ZMYND15: variants seen among roughly 807,000 people sequenced by gnomAD.
ZMYND15 encodes zinc finger MYND-type containing 15.
In ZMYND15, 54 loss-of-function variants were observed where a neutral mutation model predicts 81.7. That is an observed-to-expected ratio of 0.66 (90% CI 0.53 to 0.83). The LOEUF is 0.83. ZMYND15 is among the 40% of genes least tolerant of loss of function. The probability of loss-of-function intolerance (pLI) is 0.00; values close to 1 mark genes in which losing one functional copy is unlikely to be tolerated. For missense variants in ZMYND15, 925 were observed against 973.5 expected, an observed-to-expected ratio of 0.95 and a Z score of 0.66; for synonymous variants, 399 against 387.0, an observed-to-expected ratio of 1.03 and a Z score of -0.36.
chr17:4,744,397 C>G lies in ZMYND15; in HGVS notation c.1613C>G (p.Ala538Gly). 1 of 1,614,106 alleles carries G rather than the reference C, an allele frequency of 6.2e-7. No homozygotes were observed. The highest frequency in any genetic ancestry group is 1.3e-5 in the African/African-American group (1 of 75,006). Residue 538 changes from alanine to glycine, a missense_variant, in exon 10 of 14, where the codon GCC becomes GGC. By Grantham distance (60) the Ala-to-Gly change is moderately conservative. Coordinates refer to ENST00000433935, the MANE Select transcript of ZMYND15 (RefSeq NM_001136046.3). The surrounding 1 kb of genome is among the most constrained non-coding windows in gnomAD (Gnocchi z 4.1). ...CTTTTGGTCCTGCTCCCCCATGTGG[C>G]CCTGGAGCTGCAGTTTGTAGGTGAT... ...WELLVLLPHVALELQFVGDGL... is the reference protein window; with the variant it reads ...WELLVLLPHVGLELQFVGDGL...
At position 4,740,510 on chromosome 17, in the gene ZMYND15, T is replaced by G; in HGVS notation, c.-30-9T>G. The G allele has an allele frequency of 2.0e-6, 3 of 1,534,170 alleles. No individual in the cohort carries two copies. The highest frequency in any genetic ancestry group is 1.8e-6 in the Non-Finnish European group (2 of 1,137,904). On this transcript the variant is annotated splice_polypyrimidine_tract_variant and intron_variant, in intron 1 of 13. Transcript: ENST00000433935. ...CTGTCCCTCACCATATATCCCTTCTTTTGCTCAGTCTGGGCCGGGGCCCTG... is the reference window on the plus strand; with the variant it reads ...CTGTCCCTCACCATATATCCCTTCTGTTGCTCAGTCTGGGCCGGGGCCCTG...
At chr17:4,740,440 T>A in intron 1 of ZMYND15, 79 bp from the exon 2 acceptor site, 1 of 1,428,044 alleles carries the variant, frequency 7.0e-7, no homozygotes, top group Non-Finnish European at 9.2e-7. Context: ...AAACCTACCC[T>A]CTCCCTCAAT....
chr17:4,744,310 T>C lies in ZMYND15; in HGVS notation c.1584+32T>C. The C allele has an allele frequency of 6.2e-7, 1 of 1,613,960 alleles. No individual in the cohort carries two copies. The highest frequency in any genetic ancestry group is 8.5e-7 in the Non-Finnish European group (1 of 1,179,906). On this transcript the variant is annotated intron_variant, in intron 9 of 13. Transcript: ENST00000433935. This position sits in a 1 kb window ranked among gnomAD's most constrained non-coding sequence, Gnocchi z 4.1. ...CACCCCAGGCCTGAAGGTTGGGCAT[T>C]TTGGTATGGGGGTGGGCACAGGGTA... is the stretch of plus-strand genomic sequence containing the variant.
rs1454232917 is a variant in ZMYND15, at chr17:4,744,368, G to A, written c.1585-1G>A. On this transcript the variant is annotated splice_acceptor_variant, in intron 9 of 13. Coordinates refer to ENST00000433935, the MANE Select transcript of ZMYND15 (RefSeq NM_001136046.3). LOFTEE classifies it high-confidence loss of function. The surrounding 1 kb of genome is among the most constrained non-coding windows in gnomAD (Gnocchi z 4.1). ...GATCTTTCTTTCTTTCTGTCCTTCA[G>A]GAGCTTTTGGTCCTGCTCCCCCATG... 1 of 1,614,032 alleles carries A rather than the reference G, an allele frequency of 6.2e-7. No homozygotes were observed. Among genetic ancestry groups the A allele is most frequent in the Non-Finnish European group, 8.5e-7 (1 of 1,180,028 alleles).
rs200662344 is a variant in ZMYND15, at chr17:4,740,899, G to A, written c.351G>A (p.Glu117=). The A allele has an allele frequency of 1.3e-6, 2 of 1,580,174 alleles. No individual in the cohort carries two copies. Among genetic ancestry groups the A allele is most frequent in the Middle Eastern group, 1.7e-4 (1 of 5,862 alleles). Residue 117 remains glutamate, a synonymous_variant, in exon 2 of 14, where the codon GAG becomes GAA. Coordinates refer to ENST00000433935, the MANE Select transcript of ZMYND15 (RefSeq NM_001136046.3). ...TAGAGGATGGGGAGGAAGGGGAGGA[G>A]GAAGAGGAGGAAGATGAAGAAGAAG... ...VSLEDGEEGE[E]EEEEDEEEEK... is the part of the protein sequence containing the mutation.
At chr17:4,742,618 G>A in intron 5 of ZMYND15, 127 bp downstream of exon 5, 1 of 1,294,640 alleles carries the variant, frequency 7.7e-7, no homozygotes, top group South Asian at 1.5e-5. Flanking sequence ...CTAGATCCCT[G>A]GAACAAGGGC....
In ZMYND15 at chr17:4,740,516, C is replaced by T; in HGVS notation, c.-30-3C>T. The stretch of plus-strand genomic sequence containing the variant: ...CTCACCATATATCCCTTCTTTTGCT[C>T]AGTCTGGGCCGGGGCCCTGTGCCGC... On this transcript the variant is annotated splice_polypyrimidine_tract_variant and splice_region_variant and intron_variant, in intron 1 of 13. Coordinates refer to ENST00000433935, the MANE Select transcript of ZMYND15 (RefSeq NM_001136046.3). 6.5e-7 allele frequency: 1 copy of T among 1,537,030 alleles called. No homozygotes were observed. Among genetic ancestry groups the T allele is most frequent in the Non-Finnish European group, 8.8e-7 (1 of 1,139,248 alleles).
At position 4,743,271 on chromosome 17, in the gene ZMYND15, G is replaced by A. The variant is rs772114166; in HGVS notation, c.1145-32G>A. ...AAAAAATGTCTGGGGTTCTAGCCCA[G>A]CACCTCAACTCCTCCCCTTCTCCTT... On this transcript the variant is annotated intron_variant, in intron 5 of 13. Transcript: ENST00000433935. This position sits in a 1 kb window ranked among gnomAD's most constrained non-coding sequence, Gnocchi z 4.3. 8.8e-6 allele frequency: 14 copies of A among 1,586,290 alleles called. No individual in the cohort carries two copies. The highest frequency in any genetic ancestry group is 8.6e-7 in the Non-Finnish European group (1 of 1,168,920).
chr17:4,742,467 A>G lies in ZMYND15; in HGVS notation c.1120A>G (p.Thr374Ala), dbSNP rs760171566. The change falls in exon 5 of 14, where the codon ACC becomes GCC. Residue 374 changes from threonine to alanine, a missense_variant. Physicochemically the swap from Thr to Ala is moderately conservative, Grantham distance 58. Coordinates refer to ENST00000433935, the MANE Select transcript of ZMYND15 (RefSeq NM_001136046.3). The stretch of plus-strand genomic sequence containing the variant: ...CATGGAGCGGGCAGGAGAACTGGCA[A>G]CCCTGCCTTTTACCTACACCGCAGG... ...AFMERAGELA[T>A]LPFTYTAEVT... The G allele has an allele frequency of 1.2e-6, 2 of 1,614,118 alleles. No homozygotes were observed. Among genetic ancestry groups the G allele is most frequent in the South Asian group, 2.2e-5 (2 of 91,076 alleles).
chr17:4,743,400 G>A lies in ZMYND15; in HGVS notation c.1242G>A (p.Pro414=), dbSNP rs746980109. 9.3e-6 allele frequency: 15 copies of A among 1,613,910 alleles called. No individual in the cohort carries two copies. Among genetic ancestry groups the A allele is most frequent in the Non-Finnish European group, 1.3e-5 (15 of 1,180,004 alleles). ...WTQLSMLIPG[P]GFSRHPRGNT... is the part of the protein sequence containing the mutation. ...AGCTCAGCATGCTGATTCCAGGCCC[G>A]GGCTTCTCCAGACACCCCCGAGGCA... The change falls in exon 6 of 14, where the codon CCG becomes CCA. Residue 414 remains proline, a synonymous_variant. Coordinates refer to ENST00000433935, the MANE Select transcript of ZMYND15 (RefSeq NM_001136046.3). This position sits in a 1 kb window ranked among gnomAD's most constrained non-coding sequence, Gnocchi z 4.3.
rs760483749 is a variant in ZMYND15 at position 4,744,862 on chromosome 17, G to A, written c.1838-8G>A. 2.0e-5 allele frequency: 32 copies of A among 1,613,998 alleles called. No homozygotes were observed. The highest frequency in any genetic ancestry group is 1.8e-5 in the Non-Finnish European group (21 of 1,180,006). On this transcript the variant is annotated splice_polypyrimidine_tract_variant and splice_region_variant and intron_variant, in intron 11 of 13. Transcript: ENST00000433935. This position sits in a 1 kb window ranked among gnomAD's most constrained non-coding sequence, Gnocchi z 4.1. ...GGGAGCCAGCTTCTCCCTCCTCTCT[G>A]TCTGCAGGATTTAACTCCGGGTTTG...
rs77153430 is a variant in ZMYND15 at position 4,742,092 on chromosome 17, G to T, written c.983+22G>T. 8.3e-4 allele frequency: 1,334 copies of T among 1,613,336 alleles called. 32 individuals carry two copies. In the East Asian group the frequency reaches 0.029, roughly 35 times the overall value. On this transcript the variant is annotated intron_variant, in intron 4 of 13. Coordinates refer to ENST00000433935, the MANE Select transcript of ZMYND15 (RefSeq NM_001136046.3). ...CTTGGTGAGCAGCCCCAAAGCTGGG[G>T]GAGAGGAAGACCCCAATAGGCAAAT... is the stretch of plus-strand genomic sequence containing the variant.
rs757546788 is a variant in ZMYND15 at position 4,741,710 on chromosome 17, G to T, written c.721G>T (p.Ala241Ser). ...CTGGGGCTCAGGGACCAAGGACCTG[G>T]CTCCTTGGGCCTATGCTCTCCTCTG... is the stretch of plus-strand genomic sequence containing the variant. ...ASWGSGTKDLAPWAYALLCHS... is the reference protein window; with the variant it reads ...ASWGSGTKDLSPWAYALLCHS... The change falls in exon 3 of 14, where the codon GCT becomes TCT. Residue 241 changes from alanine (A) to serine (S), a missense_variant. Physicochemically the swap from Ala to Ser is moderately conservative, Grantham distance 99. Coordinates refer to ENST00000433935, the MANE Select transcript of ZMYND15 (RefSeq NM_001136046.3). 6.2e-7 allele frequency: 1 copy of T among 1,613,934 alleles called. No homozygotes were observed.
Position 4,739,871 on chromosome 17 carries a change from A to G in ZMYND15, c.-210A>G. On this transcript the variant is annotated 5_prime_UTR_variant, in exon 1 of 14. Coordinates refer to ENST00000433935, the MANE Select transcript of ZMYND15 (RefSeq NM_001136046.3). This position sits in a 1 kb window ranked among gnomAD's most constrained non-coding sequence, Gnocchi z 5.3. ...GAGCCTCCCGGGCGGCCCGGTGGAG[A>G]GAGTCGCCGCCAGCCCCGGCCGCGC... The G allele has an allele frequency of 1.0e-6, 1 of 985,940 alleles. No homozygotes were observed. Among genetic ancestry groups the G allele is most frequent in the Non-Finnish European group, 1.2e-6 (1 of 830,436 alleles). 61.1% of individuals were successfully genotyped at this position (985,940 alleles called of 1,614,324 possible).
At chr17:4,740,468 ACTCCATCATTG>A in intron 1 of ZMYND15, 40 bp from the exon 2 acceptor site, 1 of 1,467,848 alleles carries the variant, frequency 6.8e-7, no homozygotes, top group Non-Finnish European at 9.0e-7. Flanking sequence ...CCAGCCCCAA[ACTCCATCATTG>A]CTCTCCTGTC....
chr17:4,743,242 A>G lies in ZMYND15; in HGVS notation c.1145-61A>G. 1 of 1,485,518 alleles carries G rather than the reference A, an allele frequency of 6.7e-7. No individual in the cohort carries two copies. Among genetic ancestry groups the G allele is most frequent in the Non-Finnish European group, 9.1e-7 (1 of 1,100,130 alleles). 92.0% of individuals were successfully genotyped at this position (1,485,518 alleles called of 1,614,324 possible). On this transcript the variant is annotated intron_variant, in intron 5 of 13. Coordinates refer to ENST00000433935, the MANE Select transcript of ZMYND15 (RefSeq NM_001136046.3). The surrounding 1 kb of genome is among the most constrained non-coding windows in gnomAD (Gnocchi z 4.3). ...TGATAGAGCAAGACTCTGTCTCAAA[A>G]AAAAAAAAATGTCTGGGGTTCTAGC...
Position 4,744,691 on chromosome 17 carries a change from G to C in ZMYND15, c.1750G>C (p.Glu584Gln), listed in dbSNP as rs1185989102. The change falls in exon 11 of 14, where the codon GAG (glutamate) becomes CAG (glutamine). Residue 584 changes from glutamate (E) to glutamine (Q), a missense_variant. Physicochemically the swap from Glu to Gln is conservative, Grantham distance 29. Transcript: ENST00000433935. The surrounding 1 kb of genome is among the most constrained non-coding windows in gnomAD (Gnocchi z 4.1). ...ISARPSSGTK[E>Q]KGGRRDLQIK... is the part of the protein sequence containing the mutation. ...AGCACGGCCCAGCTCTGGCACTAAG[G>C]AGAAAGGGGGCCGCAGGGACCTGCA... 1.2e-6 allele frequency: 2 copies of C among 1,613,938 alleles called. No individual in the cohort carries two copies. Among genetic ancestry groups the C allele is most frequent in the Non-Finnish European group, 1.7e-6 (2 of 1,180,030 alleles).
Position 4,742,023 on chromosome 17 carries a change from C to G in ZMYND15, c.936C>G (p.Thr312=). The stretch of plus-strand genomic sequence containing the variant: ...CCTTTGCTTCCCTTCGTGCTCGAAC[C>G]TGCCATGTGTGTCACAGGCACAGCT... ...GFTFASLRAR[T]CHVCHRHSFE... is the part of the protein sequence containing the mutation. The change falls in exon 4 of 14, where the codon ACC becomes ACG. Residue 312 remains threonine (T), a synonymous_variant. Coordinates refer to ENST00000433935, the MANE Select transcript of ZMYND15 (RefSeq NM_001136046.3). 1.2e-6 allele frequency: 2 copies of G among 1,614,214 alleles called. No individual in the cohort carries two copies. The highest frequency in any genetic ancestry group is 1.7e-6 in the Non-Finnish European group (2 of 1,180,048).
In ZMYND15 at chr17:4,745,181, G is replaced by T; in HGVS notation, c.1897-34G>T. Reference sequence around the variant, plus strand: ...CTGGCTGCTGGGATGGATTTGGGGAGGGGCCTCTCAGAGCGACTCTCGCTC... The same window carrying T: ...CTGGCTGCTGGGATGGATTTGGGGATGGGCCTCTCAGAGCGACTCTCGCTC... On this transcript the variant is annotated intron_variant, in intron 12 of 13. Transcript: ENST00000433935. The surrounding 1 kb of genome is among the most constrained non-coding windows in gnomAD (Gnocchi z 5.2). 1 of 1,613,610 alleles carries T rather than the reference G, an allele frequency of 6.2e-7. No homozygotes were observed. Among genetic ancestry groups the T allele is most frequent in the Non-Finnish European group, 8.5e-7 (1 of 1,179,802 alleles).
Sources: allele counts gnomAD v4.1 joint callset, GRCh38; gene constraint gnomAD v4.1.1; non-coding constraint Gnocchi (gnomAD v3.1); transcripts MANE v1.5; gene names NCBI Gene and HGNC (gene_info 2026-07-23, HGNC 2026-07-21).